ANKLE2: variants seen among roughly 807,000 people sequenced by gnomAD.
ANKLE2 encodes ankyrin repeat and LEM domain containing 2.
Under a neutral mutation model 84.2 loss-of-function variants are expected in ANKLE2, and 55 were observed. The observed-to-expected ratio is 0.65, with a 90% confidence interval of 0.53 to 0.82. The LOEUF (loss-of-function observed/expected upper bound fraction) is 0.82. Among genes scored for constraint, ANKLE2 ranks in the 40% least tolerant of loss-of-function variants. ANKLE2 has a pLI of 0.00. For synonymous variants in ANKLE2, 551 were observed against 486.1 expected, an observed-to-expected ratio of 1.13 and a Z score of -1.76; for missense variants, 1,238 against 1,201.9, an observed-to-expected ratio of 1.03 and a Z score of -0.44.
chr12:132,756,536 A>C (rs1593184434), intron 1 of ANKLE2: 1 of 152,056 alleles, frequency 6.6e-6, no homozygotes, highest in African/African-American at 2.4e-5. Flanking sequence ...TGTCTCAACA[A>C]CAACAACAAA....
rs1566037567 is a variant in ANKLE2, at chr12:132,754,999, A to T, written c.316T>A (p.Leu106Met). 2.5e-6 allele frequency: 4 copies of T among 1,614,126 alleles called. No homozygotes were observed. The highest frequency in any genetic ancestry group is 3.4e-6 in the Non-Finnish European group (4 of 1,180,034). Reference sequence around the variant, plus strand: ...CCTTGCTCCAGTAAAGCCTGAGCCAATTTTTTCTCAAAAATGAACCTTGTA... The same window carrying T: ...CCTTGCTCCAGTAAAGCCTGAGCCATTTTTTTCTCAAAAATGAACCTTGTA... Reference protein sequence around the residue: ...STTRFIFEKKLAQALLEQGGR... With the variant: ...STTRFIFEKKMAQALLEQGGR... The change falls in exon 2 of 13, where the codon TTG (leucine) becomes ATG (methionine). Residue 106 changes from leucine to methionine, a missense_variant. This residue lies in a region of ANKLE2 where 422 missense variants were observed against 394.5 expected (regional missense o/e 1.07). Transcript: ENST00000357997.
At chr12:132,735,125 A>G in intron 9 of ANKLE2, 1 of 465,454 alleles carries the variant, frequency 2.1e-6, no homozygotes, top group African/African-American at 2.0e-5. Flanking sequence ...ACCTTCTATA[A>G]AATATTAAGG....
At chr12:132,745,915 G>C (rs1296454664) in intron 5 of ANKLE2, among the ~76,000 whole-genome samples, 3 of 152,210 alleles carry the variant, frequency 2.0e-5, no homozygotes, top group Non-Finnish European at 4.4e-5. Context: ...GCATCCACAT[G>C]AATTTCAACA....
chr12:132,734,463 G>T lies in ANKLE2; in HGVS notation c.1813C>A (p.Gln605Lys). The change falls in exon 10 of 13, where the codon CAG (glutamine) becomes AAG (lysine). Residue 605 changes from glutamine (Q) to lysine (K), a missense_variant. By Grantham distance (53) the Gln-to-Lys change is moderately conservative. Transcript: ENST00000357997. ...TGAGCCTTTTTGCCTATTTCCTGCTGTGTGAGATATTCTTCTAGTCTTTGC... is the reference window on the plus strand; with the variant it reads ...TGAGCCTTTTTGCCTATTTCCTGCTTTGTGAGATATTCTTCTAGTCTTTGC... ...GLQRLEEYLT[Q>K]QEIGKKAQQE... 1 of 1,614,154 alleles carries T rather than the reference G, an allele frequency of 6.2e-7. No individual in the cohort carries two copies. The highest frequency in any genetic ancestry group is 8.5e-7 in the Non-Finnish European group (1 of 1,180,026).
At position 132,736,905 on chromosome 12, in the gene ANKLE2, CAG is replaced by C. The variant is rs765308207; in HGVS notation, c.1579_1580del (p.Leu527GlufsTer36). 9 of 1,608,298 alleles carry C rather than the reference CAG, an allele frequency of 5.6e-6. No individual in the cohort carries two copies. The highest frequency in any genetic ancestry group is 8.5e-7 in the Non-Finnish European group (1 of 1,176,016). On this transcript the variant is annotated frameshift_variant, in exon 8 of 13. Transcript: ENST00000357997. LOFTEE classifies it high-confidence loss of function. ...TACAGCAGCTCACCTTGGCTGGACT[CAG>C]GGGCCCTGCGAAGGCTCTCAGGGTC... ...VLTLRAFAGP[L>X]SPAKAEDFRK...
At chr12:132,761,475 T>C (rs1323164943) in intron 1 of ANKLE2, 143 bp downstream of exon 1, 1 of 737,202 alleles carries the variant, frequency 1.4e-6, no homozygotes, top group African/African-American at 1.9e-5. Context: ...GGAATGGCCT[T>C]TCCCGACCGG....
chr12:132,739,953 G>A (rs539343461), intron 7 of ANKLE2, among the ~76,000 whole-genome samples: 2 of 152,364 alleles, frequency 1.3e-5, no homozygotes, highest in Non-Finnish European at 2.9e-5. Flanking sequence ...AACAGCTGCT[G>A]GGGCAGATCT....
Position 132,741,440 on chromosome 12 carries a change from G to T in ANKLE2, c.1399C>A (p.Arg467=), listed in dbSNP as rs1239292815. Reference sequence around the variant, plus strand: ...TTACCCTTTAAATACTCTCTGATCCGCTCCTTCAGTTCCACAGATTTATTT... The same window carrying T: ...TTACCCTTTAAATACTCTCTGATCCTCTCCTTCAGTTCCACAGATTTATTT... The part of the protein sequence containing the change: ...SKNKSVELKE[R]IREYLKGHYY... The change falls in exon 7 of 13, where the codon CGG becomes AGG. Residue 467 remains arginine (R), a synonymous_variant. Coordinates refer to ENST00000357997, the MANE Select transcript of ANKLE2 (RefSeq NM_015114.3). 6.2e-7 allele frequency: 1 copy of T among 1,614,112 alleles called. No individual in the cohort carries two copies. The highest frequency in any genetic ancestry group is 1.3e-5 in the African/African-American group (1 of 75,022).
At position 132,754,990 on chromosome 12, in the gene ANKLE2, C is replaced by G; in HGVS notation, c.325G>C (p.Ala109Pro). ...RFIFEKKLAQ[A>P]LLEQGGRLSS... is the part of the protein sequence containing the mutation. ...AGCCTTCCTCCTTGCTCCAGTAAAG[C>G]CTGAGCCAATTTTTTCTCAAAAATG... The change falls in exon 2 of 13, where the codon GCT becomes CCT. Residue 109 changes from alanine to proline, a missense_variant. By Grantham distance (27) the Ala-to-Pro change is conservative. This residue lies in a region of ANKLE2 where 422 missense variants were observed against 394.5 expected (regional missense o/e 1.07). Coordinates refer to ENST00000357997, the MANE Select transcript of ANKLE2 (RefSeq NM_015114.3). 6.2e-7 allele frequency: 1 copy of G among 1,614,190 alleles called. No homozygotes were observed. The highest frequency in any genetic ancestry group is 8.5e-7 in the Non-Finnish European group (1 of 1,180,032).
At chr12:132,749,528 A>C (rs1281017584) in intron 3 of ANKLE2, among the ~76,000 whole-genome samples, 3 of 152,246 alleles carry the variant, frequency 2.0e-5, no homozygotes, top group Admixed American at 1.3e-4. Context: ...CGTACCTGTT[A>C]GAAGCCACTC....
In ANKLE2 at chr12:132,736,908, G is replaced by T. The variant is rs368525322; in HGVS notation, c.1578C>A (p.Pro526=). 6.8e-6 allele frequency: 11 copies of T among 1,608,738 alleles called. No homozygotes were observed. The highest frequency in any genetic ancestry group is 9.4e-6 in the Non-Finnish European group (11 of 1,176,332). Residue 526 remains proline (P), a synonymous_variant, in exon 8 of 13, where the codon CCC becomes CCA. Coordinates refer to ENST00000357997, the MANE Select transcript of ANKLE2 (RefSeq NM_015114.3). ...PVLTLRAFAG[P]LSPAKAEDFR... The stretch of plus-strand genomic sequence containing the variant: ...AGCAGCTCACCTTGGCTGGACTCAG[G>T]GGCCCTGCGAAGGCTCTCAGGGTCA...
intron 1 of ANKLE2, chr12:132,756,063 T>G (rs2044475340): frequency 6.6e-6 from 1 of 151,396 alleles, no homozygotes; most frequent in East Asian, 2.0e-4. Flanking sequence ...CAGGCTGGTC[T>G]TGAACTCCCA....
Position 132,743,428 on chromosome 12 carries a change from C to T in ANKLE2, c.1231-152G>A. On this transcript the variant is annotated intron_variant, in intron 5 of 12. Coordinates refer to ENST00000357997, the MANE Select transcript of ANKLE2 (RefSeq NM_015114.3). This position sits in a 1 kb window ranked among gnomAD's most constrained non-coding sequence, Gnocchi z 4.1. ...GATCTTGGCTCACTGCAACCTCTGC[C>T]TCCCGGGTTTAACCGATTCTCCTGC... 2 of 1,041,250 alleles carry T rather than the reference C, an allele frequency of 1.9e-6. No individual in the cohort carries two copies. The highest frequency in any genetic ancestry group is 2.6e-6 in the Non-Finnish European group (2 of 772,750). The allele number at this position is 1,041,250 out of a possible 1,614,324, so 64.5% of individuals were successfully genotyped here.
chr12:132,744,506 C>T (rs73487132), intron 5 of ANKLE2, among the ~76,000 whole-genome samples: 30 of 152,200 alleles, frequency 2.0e-4, no homozygotes, highest in African/African-American at 6.5e-4. Context: ...CTAGGTCACC[C>T]GCAAATGTCC....
chr12:132,741,850 T>C, intron 6 of ANKLE2: 1 of 468,020 alleles, frequency 2.1e-6, no homozygotes, highest in South Asian at 1.5e-5. Flanking sequence ...AGCCTGGTCA[T>C]ACACAAACTT....
intron 2 of ANKLE2, among the ~76,000 whole-genome samples, chr12:132,754,011 G>A (rs897035090): frequency 9.9e-5 from 15 of 152,202 alleles, no homozygotes; most frequent in African/African-American, 3.4e-4. Flanking sequence ...GGGAGGCCAA[G>A]GCAGGTGGAT....
intron 11 of ANKLE2, among the ~76,000 whole-genome samples, chr12:132,728,385 C>T (rs919174512): frequency 2.6e-5 from 4 of 152,104 alleles, no homozygotes; most frequent in South Asian, 2.1e-4. Flanking sequence ...CCTGCCACCA[C>T]GCCCGGCTAA....
At chr12:132,728,306 C>T (rs563912803) in intron 11 of ANKLE2, 143 bp from the exon 12 acceptor site, 15 of 924,248 alleles carry the variant, frequency 1.6e-5, no homozygotes, top group African/African-American at 1.2e-4. Context: ...CTCGGCTCAT[C>T]GCAAGCTCCG....
intron 8 of ANKLE2, 80 bp downstream of exon 8, chr12:132,736,813 A>C: frequency 2.7e-6 from 4 of 1,483,762 alleles, no homozygotes; most frequent in Non-Finnish European, 3.6e-6. Flanking sequence ...GACCACGCAC[A>C]AGGCAACAGG....
Sources: allele counts gnomAD v4.1 joint callset (sites outside exome capture counted in the v4.1 genomes callset), GRCh38; gene constraint gnomAD v4.1.1; regional missense constraint gnomAD v4.1.1; non-coding constraint Gnocchi (gnomAD v3.1); transcripts MANE v1.5; gene names NCBI Gene and HGNC (gene_info 2026-07-23, HGNC 2026-07-21).